LARGE1: variants seen among roughly 807,000 people sequenced by gnomAD.
The protein encoded by LARGE1 is xylosyl- and glucuronyltransferase LARGE1.
Under a neutral mutation model 87.6 loss-of-function variants are expected in LARGE1, and 43 were observed. That is an observed-to-expected ratio of 0.49 (90% CI 0.38 to 0.63). The LOEUF (loss-of-function observed/expected upper bound fraction) is 0.63, where lower values mean the gene tolerates loss of function less well. LARGE1 is among the 30% of genes least tolerant of loss of function. LARGE1 has a pLI of 0.00. For missense variants in LARGE1, 802 were observed against 1,000.2 expected (o/e 0.80, Z 2.67); for synonymous variants, 434 against 394.6 (o/e 1.10, Z -1.18).
the LARGE1 span, among the ~76,000 whole-genome samples, chr22:33,112,065 T>C: frequency 1.9e-3 from 282 of 152,298 alleles, 1 homozygote; most frequent in African/African-American, 6.2e-3. Context: ...GGAGGAGCCA[T>C]TGAAGGGTTT....
chr22:33,069,980 G>A, the LARGE1 span, among the ~76,000 whole-genome samples: 187 of 151,986 alleles, frequency 1.2e-3, no homozygotes, highest in Non-Finnish European at 2.4e-3. Flanking sequence ...ATGCGCCATC[G>A]CACACCGCTA....
At chr22:33,654,717 G>A (rs1208792367) in intron 2 of LARGE1, among the ~76,000 whole-genome samples, 2 of 152,104 alleles carry the variant, frequency 1.3e-5, no homozygotes, top group Non-Finnish European at 1.5e-5. Context: ...TGTATAGGTC[G>A]TAGTTATACA....
At chr22:33,531,622 C>T (rs570383144) in intron 6 of LARGE1, among the ~76,000 whole-genome samples, 48 of 152,348 alleles carry the variant, frequency 3.2e-4, no homozygotes, top group Admixed American at 7.8e-4. Flanking sequence ...TGCACCGATG[C>T]TGCTTTTGTA....
intron 11 of LARGE1, among the ~76,000 whole-genome samples, chr22:33,264,357 T>C (rs967775181): frequency 3.3e-5 from 5 of 152,228 alleles, no homozygotes; most frequent in South Asian, 2.1e-4. Context: ...GGCTTCTCCA[T>C]AGGAGGCACA....
At chr22:33,908,804 A>G (rs2065534739) in intron 1 of LARGE1, among the ~76,000 whole-genome samples, 1 of 152,122 alleles carries the variant, frequency 6.6e-6, no homozygotes, top group South Asian at 2.1e-4. Flanking sequence ...AAAAGTGTGT[A>G]CCGTAATCTC....
chr22:33,446,468 A>C (rs5998946), intron 6 of LARGE1, among the ~76,000 whole-genome samples: 6,753 of 152,294 alleles, frequency 0.044, 185 homozygotes, highest in Non-Finnish European at 0.056. Context: ...GGAGCTCTTA[A>C]GCCCGTGCAG....
At chr22:33,364,095 C>A (rs937011052) in intron 9 of LARGE1, among the ~76,000 whole-genome samples, 2 of 150,840 alleles carry the variant, frequency 1.3e-5, no homozygotes, top group Non-Finnish European at 3.0e-5. Context: ...CGCTCTGTCG[C>A]CCAGGCTGGA....
At chr22:33,855,101 G>A (rs185915732) in intron 1 of LARGE1, among the ~76,000 whole-genome samples, 105 of 152,286 alleles carry the variant, frequency 6.9e-4, no homozygotes, top group East Asian at 3.1e-3. Context: ...TTGGGAGGCC[G>A]AGAAGGGCGG....
intron 1 of LARGE1, among the ~76,000 whole-genome samples, chr22:33,894,014 C>T (rs767979987): frequency 8.5e-5 from 13 of 152,110 alleles, no homozygotes; most frequent in Non-Finnish European, 1.9e-4. Context: ...GGTCCCCAAA[C>T]TGGGCTCCCG....
At chr22:33,405,852 C>G (rs2066078654) in intron 7 of LARGE1, among the ~76,000 whole-genome samples, 1 of 152,130 alleles carries the variant, frequency 6.6e-6, no homozygotes, top group Non-Finnish European at 1.5e-5. Context: ...CTTCCTTACG[C>G]TCTGTGAAGA....
At chr22:33,699,797 T>C (rs560195097) in intron 2 of LARGE1, among the ~76,000 whole-genome samples, 4 of 152,316 alleles carry the variant, frequency 2.6e-5, no homozygotes, top group African/African-American at 9.6e-5. Context: ...TGGCTTTATG[T>C]AAAACAATGC....
intron 2 of LARGE1, among the ~76,000 whole-genome samples, chr22:33,663,049 GA>G (rs61031985): frequency 0.026 from 3,941 of 151,104 alleles, 189 homozygotes; most frequent in African/African-American, 0.091. Flanking sequence ...GGAGGAAAAT[GA>G]AAAAAAAAAT....
At chr22:33,904,772 T>C (rs879910902) in intron 1 of LARGE1, among the ~76,000 whole-genome samples, 6 of 152,324 alleles carry the variant, frequency 3.9e-5, no homozygotes, top group East Asian at 3.9e-4. Flanking sequence ...CAGTGAGCCA[T>C]TGAGGCACTC....
intron 6 of LARGE1, among the ~76,000 whole-genome samples, chr22:33,486,512 A>AAGAGACAGAGAG (rs879489417): frequency 4.7e-5 from 7 of 148,994 alleles, no homozygotes; most frequent in African/African-American, 1.8e-4. Context: ...GACTAAACAG[A>AAGAGACAGAGAG]AGAGACAGAG....
At chr22:33,841,203 C>A (rs973020968) in intron 1 of LARGE1, among the ~76,000 whole-genome samples, 2 of 152,140 alleles carry the variant, frequency 1.3e-5, no homozygotes, top group Admixed American at 6.5e-5. Context: ...CTATGCTAAG[C>A]CAAGGTGCGT....
chr22:33,870,057 T>C (rs1006972741), intron 1 of LARGE1, among the ~76,000 whole-genome samples: 1 of 152,190 alleles, frequency 6.6e-6, no homozygotes, highest in Non-Finnish European at 1.5e-5. Context: ...ACAAGTTCAT[T>C]GCAGATATAA....
intron 1 of LARGE1, among the ~76,000 whole-genome samples, chr22:33,763,204 C>T (rs2084792076): frequency 1.3e-5 from 2 of 152,144 alleles, no homozygotes; most frequent in Admixed American, 6.5e-5. Context: ...TACATGGAAT[C>T]AGATTCTATC....
chr22:33,303,464 A>G (rs5998865), intron 12 of LARGE1, among the ~76,000 whole-genome samples: 16,783 of 152,166 alleles, frequency 0.11, 3,126 homozygotes, highest in African/African-American at 0.38. Context: ...CTACCTCTCA[A>G]GCACTCAGAA....
chr22:33,142,394 C>T, the LARGE1 span, among the ~76,000 whole-genome samples: 74 of 152,266 alleles, frequency 4.9e-4, no homozygotes, highest in Middle Eastern at 3.4e-3. Flanking sequence ...CTTGCTCCAG[C>T]TAGTATGAAG....
Sources: gnomAD v4.1 joint callset for allele counts (sites outside exome capture counted in the v4.1 genomes callset) on GRCh38, gnomAD v4.1.1 for gene constraint, MANE v1.5 for transcripts, NCBI Gene and HGNC (gene_info 2026-07-23, HGNC 2026-07-21) for gene names.